Variants in NTRK2 observed in about 807,000 individuals in gnomAD.
NTRK2 encodes BDNF/NT-3 growth factors receptor.
NTRK2 carries 13 observed loss-of-function variants against 94.5 expected under a neutral mutation model. The ratio of observed to expected loss-of-function variants is 0.14; its 90% CI spans 0.09 to 0.22. The LOEUF (loss-of-function observed/expected upper bound fraction) is 0.22. Ranked by LOEUF, NTRK2 falls within the 10% of genes least tolerant of loss-of-function variation. The pLI is 1.00. For synonymous variants in NTRK2, 372 were observed against 407.4 expected, an observed-to-expected ratio of 0.91 and a Z score of 1.05; for missense variants, 639 against 1,071.2, an observed-to-expected ratio of 0.60 and a Z score of 5.63.
intron 6 of NTRK2, among the ~76,000 whole-genome samples, chr9:84,720,035 A>G (rs1051419114): frequency 1.3e-5 from 2 of 151,800 alleles, no homozygotes; most frequent in East Asian, 1.9e-4. Flanking sequence ...AAAAAAAAAA[A>G]AAAAGGGAGA....
intron 12 of NTRK2, among the ~76,000 whole-genome samples, chr9:84,756,688 T>G (rs2065114148): frequency 1.3e-5 from 2 of 152,348 alleles, no homozygotes; most frequent in Admixed American, 1.3e-4. Context: ...AGCTTTCTTC[T>G]CATTCAGTGC....
chr9:84,971,883 A>T (rs1445985247), intron 17 of NTRK2, among the ~76,000 whole-genome samples: 1 of 152,196 alleles, frequency 6.6e-6, no homozygotes, highest in Non-Finnish European at 1.5e-5. Context: ...AAGGGAAAAG[A>T]AGAGGAAGAT....
intron 17 of NTRK2, among the ~76,000 whole-genome samples, chr9:85,012,585 A>G (rs1412490302): frequency 6.6e-6 from 1 of 152,206 alleles, no homozygotes; most frequent in Non-Finnish European, 1.5e-5. Flanking sequence ...ACTCTTTGCA[A>G]CAATATTTTG....
chr9:85,026,136 A>AT lies in NTRK2; in HGVS notation c.*4699_*4700insT, dbSNP rs1287619483. 3.4e-5 allele frequency: 7 copies of AT among 207,370 alleles called. No individual in the cohort carries two copies. In the South Asian group the frequency reaches 7.8e-4, roughly 23 times the overall value. The allele number at this position is 207,370 out of a possible 1,614,324, so 12.8% of individuals were successfully genotyped here. On this transcript the variant is annotated 3_prime_UTR_variant, in exon 19 of 19. Coordinates refer to ENST00000277120, the MANE Select transcript of NTRK2 (RefSeq NM_006180.6). ...CACAAACACAAAGCAAAGCAAAAAA[A>AT]AAAATATATATATATATATCTGTAT...
chr9:84,677,991 T>C (rs1166962747), intron 2 of NTRK2, among the ~76,000 whole-genome samples: 1 of 152,204 alleles, frequency 6.6e-6, no homozygotes, highest in African/African-American at 2.4e-5. Flanking sequence ...AATTGCTACT[T>C]AGCATCCCAT....
chr9:84,682,316 A>C (rs1587903052), intron 2 of NTRK2, among the ~76,000 whole-genome samples: 2 of 152,146 alleles, frequency 1.3e-5, no homozygotes, highest in South Asian at 4.1e-4. Flanking sequence ...TATTGTATGG[A>C]ATTTAGCTGG....
rs1445064099 is a variant in NTRK2 at position 84,875,993 on chromosome 9, GA to G, written c.1633+8566del. The G allele has an allele frequency of 2.9e-6, 3 of 1,033,986 alleles. No individual in the cohort carries two copies. In the African/African-American group the frequency reaches 5.0e-5, roughly 17 times the overall value. 64.1% of individuals were successfully genotyped at this position (1,033,986 alleles called of 1,614,324 possible). ...CAAAGGCAGGGGGGAATCCCAGAAA[GA>G]AAACAATAATATAATCCTAGTTTCT... On this transcript the variant is annotated intron_variant, in intron 14 of 18. Coordinates refer to ENST00000277120, the MANE Select transcript of NTRK2 (RefSeq NM_006180.6).
intron 12 of NTRK2, among the ~76,000 whole-genome samples, chr9:84,806,901 C>T (rs1299075698): frequency 6.6e-6 from 1 of 152,198 alleles, no homozygotes; most frequent in Non-Finnish European, 1.5e-5. Context: ...AAACATTTTC[C>T]AGAAGACTTA....
chr9:84,734,104 G>A (rs2063084128), intron 9 of NTRK2, among the ~76,000 whole-genome samples: 1 of 152,146 alleles, frequency 6.6e-6, no homozygotes, highest in African/African-American at 2.4e-5. Flanking sequence ...ACACCTTGGA[G>A]TGTGAAGCGT....
At chr9:84,939,065 A>AG (rs1234837050) in intron 15 of NTRK2, among the ~76,000 whole-genome samples, 273 of 150,856 alleles carry the variant, frequency 1.8e-3, no homozygotes, top group African/African-American at 6.3e-3. Flanking sequence ...AAAAAAAAAA[A>AG]AAAAAAGAAA....
At chr9:84,880,624 G>A (rs1168700971) in intron 14 of NTRK2, among the ~76,000 whole-genome samples, 2 of 152,194 alleles carry the variant, frequency 1.3e-5, no homozygotes, top group African/African-American at 2.4e-5. Flanking sequence ...CTGCATCTAC[G>A]TGCTTCATAA....
At chr9:84,945,484 C>G (rs2132849398) in intron 15 of NTRK2, among the ~76,000 whole-genome samples, 1 of 152,256 alleles carries the variant, frequency 6.6e-6, no homozygotes, top group East Asian at 1.9e-4. Context: ...GATAGACTTC[C>G]ATCTCTTCTA....
intron 14 of NTRK2, among the ~76,000 whole-genome samples, chr9:84,895,426 A>C (rs1395093902): frequency 6.6e-6 from 1 of 152,206 alleles, no homozygotes; most frequent in Non-Finnish European, 1.5e-5. Flanking sequence ...TCATCCCGGC[A>C]GCCAGATAAT....
intron 12 of NTRK2, among the ~76,000 whole-genome samples, chr9:84,789,475 A>T (rs1304982551): frequency 6.6e-6 from 1 of 152,080 alleles, no homozygotes; most frequent in Non-Finnish European, 1.5e-5. Flanking sequence ...CCAGCGGAAA[A>T]CACCGAGGCT....
At chr9:84,893,005 TCTTTC>T in intron 14 of NTRK2, among the ~76,000 whole-genome samples, 1 of 152,272 alleles carries the variant, frequency 6.6e-6, no homozygotes, top group South Asian at 2.1e-4. Flanking sequence ...CTTTTTTCCT[TCTTTC>T]CTTCTCTCTG....
At chr9:84,747,847 T>C (rs1032096016) in intron 11 of NTRK2, among the ~76,000 whole-genome samples, 1 of 152,162 alleles carries the variant, frequency 6.6e-6, no homozygotes, top group African/African-American at 2.4e-5. Context: ...ATCTATAGTA[T>C]AGTTGCTGGA....
In NTRK2 at chr9:84,877,187, C is replaced by T. The variant is rs6559834; in HGVS notation, c.1633+9756C>T. Reference sequence around the variant, plus strand: ...GTTTTTAAGTAAAGTGGATCTTAGCCAGATTTGAGTCTAATGGCTGATTCA... The same window carrying T: ...GTTTTTAAGTAAAGTGGATCTTAGCTAGATTTGAGTCTAATGGCTGATTCA... On this transcript the variant is annotated intron_variant, in intron 14 of 18. Transcript: ENST00000277120. 5.2e-4 allele frequency: 554 copies of T among 1,065,020 alleles called. 1 individual carries two copies. In the African/African-American group the frequency reaches 8.6e-3, roughly 17 times the overall value. 66.0% of individuals were successfully genotyped at this position (1,065,020 alleles called of 1,614,324 possible).
chr9:84,751,521 C>A (rs1230349582), intron 11 of NTRK2, among the ~76,000 whole-genome samples: 1 of 152,150 alleles, frequency 6.6e-6, no homozygotes, highest in Admixed American at 6.5e-5. Context: ...GTCGAAGCTG[C>A]AGTGAGCCAT....
At chr9:84,870,457 C>T (rs545113238) in intron 14 of NTRK2, among the ~76,000 whole-genome samples, 84 of 149,046 alleles carry the variant, frequency 5.6e-4, no homozygotes, top group Non-Finnish European at 1.0e-3. Flanking sequence ...TTGACATAGC[C>T]TCCTGAGTAG....
Sources: gnomAD v4.1 joint callset for allele counts (sites outside exome capture counted in the v4.1 genomes callset) on GRCh38, gnomAD v4.1.1 for gene constraint, MANE v1.5 for transcripts, NCBI Gene and HGNC (gene_info 2026-07-23, HGNC 2026-07-21) for gene names.